Variants in ARHGAP30 observed in about 807,000 individuals in gnomAD.
ARHGAP30 encodes rho GTPase-activating protein 30.
ARHGAP30 carries 23 observed loss-of-function variants against 72.0 expected under a neutral mutation model. The observed-to-expected ratio is 0.32, with a 90% CI of 0.23 to 0.45. The LOEUF (loss-of-function observed/expected upper bound fraction) is 0.45, where lower values mean the gene tolerates loss of function less well. Ranked by LOEUF, ARHGAP30 falls within the 20% of genes least tolerant of loss-of-function variation. The pLI, the probability that ARHGAP30 is intolerant of heterozygous loss-of-function variation, is 1.00. For synonymous variants in ARHGAP30, 576 were observed against 528.2 expected (o/e 1.09, Z -1.24); for missense variants, 1,319 against 1,383.4 (o/e 0.95, Z 0.74).
chr1:161,057,544 AG>A (rs1651968203), intron 2 of ARHGAP30, among the ~76,000 whole-genome samples: 1 of 152,170 alleles, frequency 6.6e-6, no homozygotes, highest in African/African-American at 2.4e-5. Context: ...AGGCTGAGGT[AG>A]GAGGATCGCT....
In ARHGAP30 at chr1:161,069,629, A is replaced by G. The variant is rs756260778; in HGVS notation, c.-5T>C. ...TCCTTTCTGCCGAGACTTCATGGCC[A>G]GAGCCCCAGGGCACTGGCCCGGTCA... On this transcript the variant is annotated 5_prime_UTR_variant, in exon 1 of 12. Transcript: ENST00000368013. The surrounding 1 kb of genome is among the most constrained non-coding windows in gnomAD (Gnocchi z 4.9). 1 of 1,608,698 alleles carries G rather than the reference A, an allele frequency of 6.2e-7. No individual in the cohort carries two copies. Among genetic ancestry groups the G allele is most frequent in the South Asian group, 1.1e-5 (1 of 91,086 alleles).
At chr1:161,065,191 G>C (rs1161618087) in intron 1 of ARHGAP30, among the ~76,000 whole-genome samples, 3 of 152,160 alleles carry the variant, frequency 2.0e-5, no homozygotes, top group African/African-American at 7.2e-5. Context: ...GGCCAGGCTG[G>C]CCTCGAACTC....
rs747792122 is a variant in ARHGAP30, at chr1:161,049,538, C to G, written c.1572G>C (p.Val524=). Residue 524 remains valine (V), a synonymous_variant, in exon 11 of 12, where the codon GTG becomes GTC. Transcript: ENST00000368013. The part of the protein sequence containing the change: ...EDSSSSEPEW[V]GAEDGEVAQA... ...GGGCCACCTCCCCATCCTCTGCCCC[C>G]ACCCACTCAGGTTCTGAGCTGCTTG... The G allele has an allele frequency of 1.2e-5, 20 of 1,614,146 alleles. No individual in the cohort carries two copies. The highest frequency in any genetic ancestry group is 1.6e-5 in the Non-Finnish European group (19 of 1,180,032).
At position 161,049,457 on chromosome 1, in the gene ARHGAP30, G is replaced by A. The variant is rs1180394507; in HGVS notation, c.1653C>T (p.Gly551=). ...CAACTCCCAGGAGCTCCTCCAGGTA[G>A]CCCATCCCAGGGTCGTCCTCCCCAG... ...FSPGEDDPGM[G]YLEELLGVGP... The change falls in exon 11 of 12, where the codon GGC becomes GGT. Residue 551 remains glycine (G), a synonymous_variant. Transcript: ENST00000368013. 3 of 1,613,088 alleles carry A rather than the reference G, an allele frequency of 1.9e-6. No homozygotes were observed. Among genetic ancestry groups the A allele is most frequent in the Non-Finnish European group, 2.5e-6 (3 of 1,179,522 alleles).
chr1:161,056,225 TAGG>T (rs1651867798), intron 3 of ARHGAP30, among the ~76,000 whole-genome samples, 160 bp downstream of exon 3: 1 of 152,122 alleles, frequency 6.6e-6, no homozygotes, highest in Admixed American at 6.6e-5. Flanking sequence ...TAGTAGGGGC[TAGG>T]AGATTTGGGG....
At chr1:161,056,871 AATGG>A (rs746856914) in intron 2 of ARHGAP30, among the ~76,000 whole-genome samples, 2 of 152,144 alleles carry the variant, frequency 1.3e-5, no homozygotes, top group Non-Finnish European at 2.9e-5. Flanking sequence ...TACATGTAAA[AATGG>A]ATGGGTATAA....
chr1:161,053,034 G>T, intron 6 of ARHGAP30: 1 of 853,642 alleles, frequency 1.2e-6, no homozygotes, highest in Non-Finnish European at 1.8e-6. Context: ...CACTAGCCTT[G>T]GGAGCCAGGA....
At chr1:161,053,164 T>TGAG in intron 6 of ARHGAP30, 94 bp downstream of exon 6, 1 of 1,546,000 alleles carries the variant, frequency 6.5e-7, no homozygotes, top group Non-Finnish European at 8.8e-7. Context: ...CATCCCTGTA[T>TGAG]GAGACTCAGC....
intron 5 of ARHGAP30, among the ~76,000 whole-genome samples, chr1:161,053,952 C>T (rs1651635167): frequency 6.6e-6 from 1 of 152,182 alleles, no homozygotes; most frequent in South Asian, 2.1e-4. Flanking sequence ...CCTGTAATCC[C>T]AGCTACTCAG....
At position 161,048,807 on chromosome 1, in the gene ARHGAP30, T is replaced by G. The variant is rs1651095898; in HGVS notation, c.2214A>C (p.Gly738=). Residue 738 remains glycine (G), a synonymous_variant, in exon 12 of 12, where the codon GGA becomes GGC. Transcript: ENST00000368013. The part of the protein sequence containing the change: ...SMEAKGVEEP[G]GDEYTDEKEK... The stretch of plus-strand genomic sequence containing the variant: ...CCTTCTCATCTGTATACTCATCTCC[T>G]CCTGGTTCCTCCACACCTTTAGCCT... 1 of 1,614,172 alleles carries G rather than the reference T, an allele frequency of 6.2e-7. No homozygotes were observed. Among genetic ancestry groups the G allele is most frequent in the Non-Finnish European group, 8.5e-7 (1 of 1,180,038 alleles).
intron 1 of ARHGAP30, among the ~76,000 whole-genome samples, chr1:161,060,886 A>T (rs1021341579): frequency 6.6e-6 from 1 of 151,592 alleles, no homozygotes; most frequent in Non-Finnish European, 1.5e-5. Flanking sequence ...TTGTATTTTT[A>T]GTAGAGGCAG....
chr1:161,049,820 C>T, intron 10 of ARHGAP30, 131 bp from the exon 11 acceptor site: 1 of 1,249,366 alleles, frequency 8.0e-7, no homozygotes, highest in Non-Finnish European at 1.1e-6. Flanking sequence ...CTGATCCTTT[C>T]AGACCAATGT....
chr1:161,054,798 G>C (rs377411359), intron 3 of ARHGAP30, 93 bp from the exon 4 acceptor site: 2 of 1,099,584 alleles, frequency 1.8e-6, no homozygotes, highest in Non-Finnish European at 2.8e-6. Context: ...CAGGAACAAT[G>C]TGCACTGGAC....
intron 1 of ARHGAP30, among the ~76,000 whole-genome samples, chr1:161,067,368 G>C (rs1247355085): frequency 6.6e-6 from 1 of 152,038 alleles, no homozygotes; most frequent in Non-Finnish European, 1.5e-5. Flanking sequence ...GTCAGTGTTC[G>C]AGACCAGCCT....
intron 1 of ARHGAP30, among the ~76,000 whole-genome samples, chr1:161,068,218 CT>C (rs1652903728): frequency 6.6e-6 from 1 of 152,202 alleles, no homozygotes; most frequent in Non-Finnish European, 1.5e-5. Flanking sequence ...TCTCATAATC[CT>C]TGGCTAAGAA....
intron 2 of ARHGAP30, 66 bp downstream of exon 2, chr1:161,059,548 T>C (rs555463666): frequency 1.4e-5 from 20 of 1,401,300 alleles, no homozygotes; most frequent in Non-Finnish European, 2.0e-5. Flanking sequence ...CCTCAGCAAC[T>C]CTTACTGTGA....
At chr1:161,063,759 T>C (rs1173920082) in intron 1 of ARHGAP30, among the ~76,000 whole-genome samples, 1 of 152,118 alleles carries the variant, frequency 6.6e-6, no homozygotes, top group African/African-American at 2.4e-5. Flanking sequence ...GCATGGGATA[T>C]CCCTGAGAAA....
At chr1:161,064,242 A>C (rs1452144738) in intron 1 of ARHGAP30, among the ~76,000 whole-genome samples, 2 of 151,982 alleles carry the variant, frequency 1.3e-5, no homozygotes, top group Non-Finnish European at 2.9e-5. Context: ...TCTCTTTTGT[A>C]CTCTGTCCTT....
rs148375678 is a variant in ARHGAP30 at position 161,048,478 on chromosome 1, T to C, written c.2543A>G (p.Asp848Gly). 2.7e-3 allele frequency: 4,419 copies of C among 1,614,040 alleles called. 16 individuals are homozygous for C. Among genetic ancestry groups the C allele is most frequent in the Admixed American group, 3.0e-3 (183 of 60,002 alleles). The stretch of plus-strand genomic sequence containing the variant: ...TAAATAGTACCCTCCAGCCCTCTGG[T>C]CTCCCTCAGCCTCTCCATCCCCACT... ...RESGDGEAEGDQRAGGYYLEE... is the reference protein window; with the variant it reads ...RESGDGEAEGGQRAGGYYLEE... Residue 848 changes from aspartate (D) to glycine (G), a missense_variant, in exon 12 of 12, where the codon GAC becomes GGC. Transcript: ENST00000368013.
Sources: allele counts gnomAD v4.1 joint callset (sites outside exome capture counted in the v4.1 genomes callset), GRCh38; gene constraint gnomAD v4.1.1; non-coding constraint Gnocchi (gnomAD v3.1); transcripts MANE v1.5; gene names NCBI Gene and HGNC (gene_info 2026-07-23, HGNC 2026-07-21).